Variants in CUX1 observed in about 807,000 individuals in gnomAD.
CUX1 encodes the protein cut like homeobox 1.
In CUX1, 31 loss-of-function variants were observed where a neutral mutation model predicts 158.8. That is an observed-to-expected ratio of 0.20 (90% CI 0.15 to 0.26). CUX1 has a LOEUF of 0.26. CUX1 is among the 10% of genes least tolerant of loss of function. The pLI is 1.00. For synonymous variants in CUX1, 879 were observed against 862.1 expected (o/e 1.02, Z -0.34); for missense variants, 1,589 against 2,014.6 (o/e 0.79, Z 4.04).
chr7:101,904,087 G>C (rs574099916), intron 1 of CUX1, among the ~76,000 whole-genome samples: 2 of 151,262 alleles, frequency 1.3e-5, no homozygotes, highest in African/African-American at 4.9e-5. Context: ...TTGAGCTCAG[G>C]AGTAACATGG....
At chr7:102,032,789 A>T (rs534108355) in intron 3 of CUX1, among the ~76,000 whole-genome samples, 1 of 152,242 alleles carries the variant, frequency 6.6e-6, no homozygotes, top group South Asian at 2.1e-4. Context: ...TTGATTGATT[A>T]TGATACCTAA....
intron 1 of CUX1, among the ~76,000 whole-genome samples, chr7:101,853,611 G>GTGTC (rs1187493238): frequency 6.6e-6 from 1 of 152,010 alleles, no homozygotes; most frequent in Non-Finnish European, 1.5e-5. Context: ...GTGTGTGTGT[G>GTGTC]TGTGTGTGTG....
At chr7:102,001,518 ATATT>A (rs1395578340) in intron 2 of CUX1, among the ~76,000 whole-genome samples, 1 of 151,924 alleles carries the variant, frequency 6.6e-6, no homozygotes, top group East Asian at 1.9e-4. Context: ...TAATTTTTGT[ATATT>A]TAGTAGAGAC....
intron 3 of CUX1, among the ~76,000 whole-genome samples, chr7:102,042,761 T>C (rs1170309149): frequency 6.6e-6 from 1 of 152,098 alleles, no homozygotes; most frequent in Non-Finnish European, 1.5e-5. Flanking sequence ...AGAAAAGTTG[T>C]ATATATTTAT....
intron 13 of CUX1, chr7:102,194,127 G>A: frequency 1.7e-6 from 1 of 577,542 alleles, no homozygotes; most frequent in Non-Finnish European, 3.1e-6. Flanking sequence ...AGCTGGGGAT[G>A]AACAAGGGAT....
At position 102,254,857 on chromosome 7, in the gene CUX1, T is replaced by A; in HGVS notation, c.*5815T>A. On this transcript the variant is annotated 3_prime_UTR_variant, in exon 24 of 24. Transcript: ENST00000292535. ...ACGCTAAGAGAATGGTCCAATTTGATGATCTTATTTCTATTTCGATCAGGT... is the reference window on the plus strand; with the variant it reads ...ACGCTAAGAGAATGGTCCAATTTGAAGATCTTATTTCTATTTCGATCAGGT... 3 of 985,480 alleles carry A rather than the reference T, an allele frequency of 3.0e-6. No individual in the cohort carries two copies. Among genetic ancestry groups the A allele is most frequent in the Non-Finnish European group, 3.6e-6 (3 of 829,948 alleles). 61.0% of individuals were successfully genotyped at this position (985,480 alleles called of 1,614,324 possible).
At chr7:102,172,115 T>G (rs950536847) in intron 10 of CUX1, among the ~76,000 whole-genome samples, 1 of 152,162 alleles carries the variant, frequency 6.6e-6, no homozygotes, top group Non-Finnish European at 1.5e-5. Context: ...AGAGAGAGTC[T>G]TCTTCTGTCG....
At chr7:102,040,667 T>C (rs1346934743) in intron 3 of CUX1, among the ~76,000 whole-genome samples, 1 of 152,226 alleles carries the variant, frequency 6.6e-6, no homozygotes, top group African/African-American at 2.4e-5. Flanking sequence ...TTGCAGCCCA[T>C]ATCTGTTGAG....
intron 15 of CUX1, chr7:102,273,611 G>T: frequency 7.8e-7 from 1 of 1,287,688 alleles, no homozygotes. Context: ...AACCCAGAAG[G>T]GCTGTCACCT....
intron 1 of CUX1, among the ~76,000 whole-genome samples, chr7:101,877,646 C>T (rs1053000472): frequency 3.3e-5 from 5 of 152,292 alleles, no homozygotes; most frequent in African/African-American, 1.2e-4. Context: ...GAGACCGTCC[C>T]ACTGCACTCC....
At chr7:102,057,176 C>T (rs1824261522) in intron 3 of CUX1, among the ~76,000 whole-genome samples, 1 of 152,200 alleles carries the variant, frequency 6.6e-6, no homozygotes, top group African/African-American at 2.4e-5. Context: ...GCTGGGATTA[C>T]AGGCATGAGC....
At chr7:101,995,609 A>G (rs959963297) in intron 2 of CUX1, among the ~76,000 whole-genome samples, 6 of 152,250 alleles carry the variant, frequency 3.9e-5, no homozygotes, top group Non-Finnish European at 8.8e-5. Context: ...ACAGACCATT[A>G]TAAAATGTCT....
chr7:102,054,873 T>G (rs1750794298), intron 3 of CUX1, among the ~76,000 whole-genome samples: 1 of 151,852 alleles, frequency 6.6e-6, no homozygotes, highest in Non-Finnish European at 1.5e-5. Flanking sequence ...CCGGAGGCTG[T>G]GGCAGGAGGA....
At chr7:101,998,859 A>AT (rs1816315092) in intron 2 of CUX1, among the ~76,000 whole-genome samples, 1 of 152,150 alleles carries the variant, frequency 6.6e-6, no homozygotes, top group African/African-American at 2.4e-5. Flanking sequence ...GGGAGCTGCT[A>AT]TGCCAAGGGC....
chr7:102,218,072 C>T (rs547915331), intron 20 of CUX1, among the ~76,000 whole-genome samples: 1 of 152,300 alleles, frequency 6.6e-6, no homozygotes, highest in African/African-American at 2.4e-5. Context: ...CCTGTCACAC[C>T]CCTGTGCTGT....
At chr7:102,104,088 A>G (rs540835559) in intron 5 of CUX1, among the ~76,000 whole-genome samples, 28 of 152,184 alleles carry the variant, frequency 1.8e-4, no homozygotes, top group African/African-American at 6.7e-4. Context: ...AACTGGTACT[A>G]CAGAAACCAA....
At position 102,201,282 on chromosome 7, in the gene CUX1, G is replaced by T; in HGVS notation, c.2063-78G>T. 6.4e-7 allele frequency: 1 copy of T among 1,554,256 alleles called. No individual in the cohort carries two copies. Among genetic ancestry groups the T allele is most frequent in the Non-Finnish European group, 8.7e-7 (1 of 1,150,378 alleles). On this transcript the variant is annotated intron_variant, in intron 17 of 23. Transcript: ENST00000292535. The surrounding 1 kb of genome is among the most constrained non-coding windows in gnomAD (Gnocchi z 5.0). ...CCAAATAACCCACACTTTGCAGTAG[G>T]TCAAGTTAGGATGAGAAGCATGTCC... is the stretch of plus-strand genomic sequence containing the variant.
intron 2 of CUX1, among the ~76,000 whole-genome samples, chr7:101,957,907 A>C (rs1447888426): frequency 6.6e-6 from 1 of 152,150 alleles, no homozygotes. Context: ...GAAGTCCCAC[A>C]GATCAGAACC....
intron 1 of CUX1, among the ~76,000 whole-genome samples, chr7:101,875,393 G>A (rs1226258373): frequency 1.3e-5 from 2 of 152,142 alleles, no homozygotes; most frequent in Non-Finnish European, 2.9e-5. Flanking sequence ...CTTATTATAA[G>A]CAGAGCTCTC....
Sources: gnomAD v4.1 joint callset for allele counts (sites outside exome capture counted in the v4.1 genomes callset) on GRCh38, gnomAD v4.1.1 for gene constraint, Gnocchi (gnomAD v3.1) non-coding constraint, MANE v1.5 for transcripts, NCBI Gene and HGNC (gene_info 2026-07-23, HGNC 2026-07-21) for gene names.